The following LRMDA variants were observed in gnomAD, a reference collection of about 807,000 sequenced individuals.
LRMDA encodes leucine-rich melanocyte differentiation-associated protein.
LRMDA carries 18 observed loss-of-function variants against 29.8 expected under a neutral mutation model. That is an observed-to-expected ratio of 0.60 (90% CI 0.42 to 0.90). LRMDA has a LOEUF of 0.90. Ranked by LOEUF, LRMDA falls within the 40% of genes least tolerant of loss-of-function variation. LRMDA has a pLI of 0.00. For synonymous variants in LRMDA, 125 were observed against 109.4 expected, an observed-to-expected ratio of 1.14 and a Z score of -0.89; for missense variants, 273 against 273.9, an observed-to-expected ratio of 1.00 and a Z score of 0.02.
At chr10:75,681,918 C>T (rs1842027840) in intron 2 of LRMDA, among the ~76,000 whole-genome samples, 1 of 152,198 alleles carries the variant, frequency 6.6e-6, no homozygotes, top group Non-Finnish European at 1.5e-5. Flanking sequence ...CAGGATTAAA[C>T]TTGTGATCTG....
chr10:76,166,053 G>A lies in LRMDA; in HGVS notation c.516+107270G>A, dbSNP rs767953883. Among the ~76,000 whole-genome samples, 104 of 152,174 alleles carry A rather than the reference G, an allele frequency of 6.8e-4. 1 individual carries two copies. The highest frequency in any genetic ancestry group is 8.5e-4 in the Non-Finnish European group (58 of 68,020). ...GTAAACAATGATGGGCATTTGTAGC[G>A]GTTAGGCAGGATTCAGTGTCAGATA... On this transcript the variant is annotated intron_variant, in intron 5 of 6. Coordinates refer to ENST00000611255, the MANE Select transcript of LRMDA (RefSeq NM_001305581.2).
At chr10:75,795,780 T>TA (rs1564569935) in intron 2 of LRMDA, among the ~76,000 whole-genome samples, 1 of 152,176 alleles carries the variant, frequency 6.6e-6, no homozygotes, top group African/African-American at 2.4e-5. Context: ...CCCTGTCAAT[T>TA]AAAAAAGCCT....
chr10:75,565,704 G>A (rs372926062), intron 2 of LRMDA, among the ~76,000 whole-genome samples: 2 of 151,932 alleles, frequency 1.3e-5, no homozygotes, highest in African/African-American at 4.8e-5. Context: ...TTATTTTTTT[G>A]CTGGTCAACC....
chr10:75,637,682 G>A (rs527807745), intron 2 of LRMDA, among the ~76,000 whole-genome samples: 108 of 152,338 alleles, frequency 7.1e-4, no homozygotes, highest in Non-Finnish European at 1.3e-3. Flanking sequence ...CTTTCAGAGA[G>A]CACAGGTCTT....
intron 2 of LRMDA, among the ~76,000 whole-genome samples, chr10:75,840,906 C>A (rs188312927): frequency 1.8e-4 from 28 of 152,322 alleles, no homozygotes; most frequent in African/African-American, 5.5e-4. Flanking sequence ...TGGCAGCTGT[C>A]TGCCTATGCT....
intron 2 of LRMDA, among the ~76,000 whole-genome samples, chr10:75,866,844 G>A (rs562713276): frequency 6.1e-4 from 93 of 152,290 alleles, no homozygotes; most frequent in African/African-American, 1.9e-3. Context: ...CTAAATCTTC[G>A]TCTTGACTGT....
At position 75,783,039 on chromosome 10, in the gene LRMDA, C is replaced by T. The variant is rs1188774013; in HGVS notation, c.132-252969C>T. The T allele has an allele frequency of 1.5e-5, 24 of 1,613,710 alleles. No homozygotes were observed. Among genetic ancestry groups the T allele is most frequent in the African/African-American group, 2.7e-5 (2 of 74,874 alleles). On this transcript the variant is annotated intron_variant, in intron 2 of 6. Transcript: ENST00000611255. Reference sequence around the variant, plus strand: ...AAATAAAAGGTTAGCCAGACAGGACCCTTAATCAAAGAGTCGGTCTTTTCT... The same window carrying T: ...AAATAAAAGGTTAGCCAGACAGGACTCTTAATCAAAGAGTCGGTCTTTTCT...
intron 5 of LRMDA, among the ~76,000 whole-genome samples, chr10:76,084,981 A>G (rs956393447): frequency 6.6e-6 from 1 of 152,182 alleles, no homozygotes; most frequent in African/African-American, 2.4e-5. Context: ...CTTTCAGTGG[A>G]CTGAATGGAC....
At chr10:76,427,429 C>T (rs1186050654) in intron 6 of LRMDA, among the ~76,000 whole-genome samples, 1 of 152,080 alleles carries the variant, frequency 6.6e-6, no homozygotes, top group African/African-American at 2.4e-5. Flanking sequence ...TATAAGAATG[C>T]TTGTGATTTT....
At chr10:75,750,722 G>C (rs551463977) in intron 2 of LRMDA, among the ~76,000 whole-genome samples, 18 of 147,576 alleles carry the variant, frequency 1.2e-4, no homozygotes, top group South Asian at 4.4e-4. Context: ...CAGACGGGGC[G>C]GGGGGGCAGA....
intron 2 of LRMDA, among the ~76,000 whole-genome samples, chr10:75,883,773 A>T (rs954951766): frequency 3.3e-5 from 5 of 151,584 alleles, no homozygotes; most frequent in African/African-American, 1.2e-4. Flanking sequence ...ATTTCCCTAC[A>T]TTTACAACTT....
chr10:75,844,564 G>T (rs892151510), intron 2 of LRMDA, among the ~76,000 whole-genome samples: 16 of 152,078 alleles, frequency 1.1e-4, no homozygotes, highest in African/African-American at 3.1e-4. Context: ...CAATTTTCTC[G>T]AAACACAGGC....
At chr10:76,276,067 CTT>C (rs1840130609) in intron 5 of LRMDA, among the ~76,000 whole-genome samples, 3 of 148,522 alleles carry the variant, frequency 2.0e-5, no homozygotes, top group Admixed American at 6.7e-5. Flanking sequence ...TTCTTTCTCT[CTT>C]TCTTTCTCTC....
At position 76,383,415 on chromosome 10, in the gene LRMDA, CTTTTTTTTTTTTTTTT is replaced by C. The variant is rs1157185768; in HGVS notation, c.601+58941_601+58956del. Among the ~76,000 whole-genome samples the C allele has an allele frequency of 4.9e-3, 430 of 87,298 alleles. 6 individuals carry two copies. The highest frequency in any genetic ancestry group is 0.021 in the African/African-American group (397 of 18,892). 57.3% of individuals were successfully genotyped at this position (87,298 alleles called of 152,430 possible). A position where few individuals can be genotyped will look rare whatever the true frequency, so the allele number is the denominator to read the frequency against. On this transcript the variant is annotated intron_variant, in intron 6 of 6. Coordinates refer to ENST00000611255, the MANE Select transcript of LRMDA (RefSeq NM_001305581.2). The stretch of plus-strand genomic sequence containing the variant: ...TTTTTTGAGTACACCAATGTCTTTT[CTTTTTTTTTTTTTTTT>C]TTTTTTTTTTGAGACGGAGTCTCGC...
Position 76,324,475 on chromosome 10 carries a change from C to G in LRMDA, c.591C>G (p.Thr197=). The change falls in exon 6 of 7, where the codon ACC becomes ACG. Residue 197 remains threonine (T), a synonymous_variant. Coordinates refer to ENST00000611255, the MANE Select transcript of LRMDA (RefSeq NM_001305581.2). ...TPLPSASREL[T]SHQGVLGKCR... is the part of the protein sequence containing the mutation. ...TGCCTTCTGCTTCCAGGGAACTCAC[C>G]AGTCACCAAGGTTGGAACTCAGCTT... 1 of 1,614,052 alleles carries G rather than the reference C, an allele frequency of 6.2e-7. No homozygotes were observed. The highest frequency in any genetic ancestry group is 8.5e-7 in the Non-Finnish European group (1 of 1,180,002).
At chr10:75,888,685 A>T (rs1425864604) in intron 2 of LRMDA, among the ~76,000 whole-genome samples, 1 of 152,174 alleles carries the variant, frequency 6.6e-6, no homozygotes, top group Non-Finnish European at 1.5e-5. Flanking sequence ...CACCCACTTG[A>T]TTATTCTTAA....
chr10:75,633,942 G>A (rs774736679), intron 2 of LRMDA, among the ~76,000 whole-genome samples: 3 of 152,304 alleles, frequency 2.0e-5, no homozygotes, highest in Non-Finnish European at 4.4e-5. Context: ...ATCTATTTAC[G>A]TGTTTTATTT....
intron 2 of LRMDA, among the ~76,000 whole-genome samples, chr10:75,561,347 G>A (rs1253499030): frequency 6.8e-6 from 1 of 147,952 alleles, no homozygotes; most frequent in African/African-American, 2.4e-5. Flanking sequence ...ATTCTCTGAT[G>A]GTAGTTTGTA....
chr10:76,287,365 A>G lies in LRMDA; in HGVS notation c.517-37036A>G, dbSNP rs143866966. ...TTCCTGCCCAGCCACTCTAGATTCC[A>G]CAAAGATCCTGTTCTGAATTCCTTC... On this transcript the variant is annotated intron_variant, in intron 5 of 6. Coordinates refer to ENST00000611255, the MANE Select transcript of LRMDA (RefSeq NM_001305581.2). 8.4e-3 allele frequency among the ~76,000 whole-genome samples: 1,276 copies of G among 152,266 alleles called. 20 individuals are homozygous for G. Among genetic ancestry groups the G allele is most frequent in the African/African-American group, 0.029 (1,214 of 41,552 alleles).
Sources: allele counts gnomAD v4.1 joint callset (sites outside exome capture counted in the v4.1 genomes callset), GRCh38; gene constraint gnomAD v4.1.1; transcripts MANE v1.5; gene names NCBI Gene and HGNC (gene_info 2026-07-23, HGNC 2026-07-21).